PDE7B: variants seen among roughly 807,000 people sequenced by gnomAD.
PDE7B encodes the protein 3',5'-cyclic-AMP phosphodiesterase 7B.
A neutral mutation model predicts 56.2 loss-of-function variants in PDE7B; 29 were observed. The ratio of observed to expected loss-of-function variants is 0.52; its 90% CI spans 0.38 to 0.70. PDE7B has a LOEUF of 0.70. PDE7B is among the 30% of genes least tolerant of loss of function. The probability of loss-of-function intolerance (pLI) is 0.00; values close to 1 mark genes in which losing one functional copy is unlikely to be tolerated. For synonymous variants in PDE7B, 197 were observed against 196.9 expected, an observed-to-expected ratio of 1.00 and a Z score of 0.00; for missense variants, 490 against 565.0, an observed-to-expected ratio of 0.87 and a Z score of 1.35.
chr6:135,908,998 G>A (rs1776164488), intron 1 of PDE7B, among the ~76,000 whole-genome samples: 1 of 152,172 alleles, frequency 6.6e-6, no homozygotes, highest in Non-Finnish European at 1.5e-5. Context: ...ATCAAGATAA[G>A]TGGATTTTGT....
intron 2 of PDE7B, among the ~76,000 whole-genome samples, chr6:136,036,273 A>G (rs1013044509): frequency 1.3e-5 from 2 of 152,198 alleles, no homozygotes; most frequent in Non-Finnish European, 2.9e-5. Context: ...CATCTTTCTA[A>G]TCAAGTAGAC....
At chr6:136,044,849 T>C (rs1023698216) in intron 2 of PDE7B, 6 of 152,168 alleles carry the variant, frequency 3.9e-5, no homozygotes, top group Non-Finnish European at 7.3e-5. Context: ...GAATGAGCTT[T>C]TGAGGGGCTG....
chr6:135,924,996 G>GTT lies in PDE7B; in HGVS notation c.22-22454_22-22453dup, dbSNP rs5880270. 4.7e-3 allele frequency among the ~76,000 whole-genome samples: 623 copies of GTT among 133,794 alleles called. 13 individuals carry two copies. Among genetic ancestry groups the GTT allele is most frequent in the African/African-American group, 0.014 (533 of 37,312 alleles). 87.8% of individuals were successfully genotyped at this position (133,794 alleles called of 152,430 possible). A position where few individuals can be genotyped will look rare whatever the true frequency, so the allele number is the denominator to read the frequency against. ...ACACACTGTATTTCTATATTTGGGT[G>GTT]TTTTTTTTTTTTTTTGTAAAATGGG... On this transcript the variant is annotated intron_variant, in intron 1 of 12. Coordinates refer to ENST00000308191, the MANE Select transcript of PDE7B (RefSeq NM_018945.4).
At chr6:136,165,215 A>C (rs1392876470) in intron 8 of PDE7B, among the ~76,000 whole-genome samples, 1 of 152,196 alleles carries the variant, frequency 6.6e-6, no homozygotes, top group Non-Finnish European at 1.5e-5. Flanking sequence ...AGTTCTGTTG[A>C]GAGAACCAAG....
intron 4 of PDE7B, among the ~76,000 whole-genome samples, chr6:136,148,848 C>T (rs1025253451): frequency 5.3e-5 from 8 of 152,204 alleles, no homozygotes; most frequent in Non-Finnish European, 7.3e-5. Flanking sequence ...CTCACGCAAT[C>T]TAAACCTCAA....
chr6:136,178,923 A>G (rs1351784882), intron 9 of PDE7B, 74 bp from the exon 10 acceptor site: 1 of 1,480,276 alleles, frequency 6.8e-7, no homozygotes, highest in Non-Finnish European at 9.4e-7. Flanking sequence ...CCACCTGATG[A>G]TGATAAAATC....
At chr6:136,058,790 C>T (rs1182531738) in intron 2 of PDE7B, among the ~76,000 whole-genome samples, 2 of 152,022 alleles carry the variant, frequency 1.3e-5, no homozygotes, top group Non-Finnish European at 2.9e-5. Flanking sequence ...AAATAGTATA[C>T]CATGTCCATT....
At chr6:136,092,834 A>G (rs1040877699) in intron 2 of PDE7B, among the ~76,000 whole-genome samples, 2 of 152,214 alleles carry the variant, frequency 1.3e-5, no homozygotes, top group African/African-American at 4.8e-5. Context: ...AGTCTCAGAC[A>G]GGATAAATAA....
intron 8 of PDE7B, among the ~76,000 whole-genome samples, chr6:136,165,336 T>G (rs1778775747): frequency 6.6e-6 from 1 of 152,176 alleles, no homozygotes; most frequent in South Asian, 2.1e-4. Context: ...CACTCTTTTT[T>G]GGAGTTATGT....
intron 8 of PDE7B, among the ~76,000 whole-genome samples, chr6:136,167,468 GCTCTCT>G (rs1460192082): frequency 6.6e-6 from 1 of 152,018 alleles, no homozygotes; most frequent in Non-Finnish European, 1.5e-5. Context: ...TCCTGCACAA[GCTCTCT>G]CTCTTCACCT....
chr6:136,148,852 A>C (rs555467330), intron 4 of PDE7B, among the ~76,000 whole-genome samples: 1 of 152,164 alleles, frequency 6.6e-6, no homozygotes, highest in African/African-American at 2.4e-5. Context: ...CGCAATCTAA[A>C]CCTCAAAAAT....
At chr6:136,121,678 G>A (rs1777936126) in intron 3 of PDE7B, among the ~76,000 whole-genome samples, 1 of 152,324 alleles carries the variant, frequency 6.6e-6, no homozygotes, top group Middle Eastern at 3.4e-3. Flanking sequence ...CAAGTGTCAC[G>A]AGGTTCTAAT....
intron 1 of PDE7B, among the ~76,000 whole-genome samples, chr6:135,878,906 T>C (rs545087631): frequency 6.6e-6 from 1 of 152,262 alleles, no homozygotes; most frequent in South Asian, 2.1e-4. Flanking sequence ...GCCTGCCCCC[T>C]TTTTTTATTT....
Position 136,031,738 on chromosome 6 carries a change from CAA to C in PDE7B, c.83-76975_83-76974del, listed in dbSNP as rs36015213. ...TGGGCGACAGAGCGAGACTCCGTCTCAAAAAAAAAAAAAAAAAAAGAAGGCTT... is the reference window on the plus strand; with the variant it reads ...TGGGCGACAGAGCGAGACTCCGTCTCAAAAAAAAAAAAAAAAAGAAGGCTT... On this transcript the variant is annotated intron_variant, in intron 2 of 12. Coordinates refer to ENST00000308191, the MANE Select transcript of PDE7B (RefSeq NM_018945.4). 6.9e-3 allele frequency among the ~76,000 whole-genome samples: 758 copies of C among 109,954 alleles called. 4 individuals carry two copies. Among genetic ancestry groups the C allele is most frequent in the African/African-American group, 0.023 (684 of 29,414 alleles). The allele number at this position is 109,954 out of a possible 152,430, so 72.1% of individuals were successfully genotyped here.
chr6:135,927,219 T>TTC (rs1203688758), intron 1 of PDE7B, among the ~76,000 whole-genome samples: 3 of 152,146 alleles, frequency 2.0e-5, no homozygotes, highest in Non-Finnish European at 4.4e-5. Flanking sequence ...TATGTCTGGG[T>TTC]TCTCTATTCT....
At position 135,993,791 on chromosome 6, in the gene PDE7B, A is replaced by T. The variant is rs571923102; in HGVS notation, c.82+46267A>T. On this transcript the variant is annotated intron_variant, in intron 2 of 12. Coordinates refer to ENST00000308191, the MANE Select transcript of PDE7B (RefSeq NM_018945.4). ...GACCAAGGTAGAGGTAGAGATTTCA[A>T]GCTTAACTTTGAGTTTCCTATCTTT... 4.6e-5 allele frequency among the ~76,000 whole-genome samples: 7 copies of T among 152,346 alleles called. No homozygotes were observed. The East Asian group carries it at 1.4e-3, about 29-fold the overall frequency.
At chr6:135,873,516 T>C (rs1384130674) in intron 1 of PDE7B, among the ~76,000 whole-genome samples, 1 of 152,160 alleles carries the variant, frequency 6.6e-6, no homozygotes, top group Non-Finnish European at 1.5e-5. Flanking sequence ...TATGATGTAG[T>C]TCTGGTAGTT....
chr6:136,173,567 C>T (rs1292832668), intron 8 of PDE7B, among the ~76,000 whole-genome samples: 4 of 152,122 alleles, frequency 2.6e-5, no homozygotes, highest in Non-Finnish European at 5.9e-5. Flanking sequence ...CTCATTCAAC[C>T]CTGCAGCAGA....
rs200059629 is a variant in PDE7B, at chr6:135,974,237, G to T, written c.82+26713G>T. Among the ~76,000 whole-genome samples, 239 of 152,032 alleles carry T rather than the reference G, an allele frequency of 1.6e-3. 1 individual carries two copies. In the East Asian group the frequency reaches 0.028, roughly 18 times the overall value. ...TCAAAATAACCCTGTAATATTTTAAGTGCTATCAATATCCTCTCATTCCAA... is the reference window on the plus strand; with the variant it reads ...TCAAAATAACCCTGTAATATTTTAATTGCTATCAATATCCTCTCATTCCAA... On this transcript the variant is annotated intron_variant, in intron 2 of 12. Coordinates refer to ENST00000308191, the MANE Select transcript of PDE7B (RefSeq NM_018945.4).
Sources: gnomAD v4.1 joint callset for allele counts (sites outside exome capture counted in the v4.1 genomes callset) on GRCh38, gnomAD v4.1.1 for gene constraint, MANE v1.5 for transcripts, NCBI Gene and HGNC (gene_info 2026-07-23, HGNC 2026-07-21) for gene names.